Variants in TMTC1 observed in about 807,000 individuals in gnomAD.
TMTC1 encodes transmembrane O-mannosyltransferase targeting cadherins 1.
A neutral mutation model predicts 104.8 loss-of-function variants in TMTC1; 73 were observed. The ratio of observed to expected loss-of-function variants is 0.70; its 90% CI spans 0.58 to 0.85. TMTC1 has a LOEUF of 0.85. TMTC1 is among the 40% of genes least tolerant of loss of function. TMTC1 has a pLI of 0.00. For missense variants in TMTC1, 1,035 were observed against 1,096.1 expected, an observed-to-expected ratio of 0.94 and a Z score of 0.79; for synonymous variants, 434 against 428.7, an observed-to-expected ratio of 1.01 and a Z score of -0.15.
Position 29,693,254 on chromosome 12 carries a change from T to C in TMTC1, c.938+58412A>G, listed in dbSNP as rs913290255. Among the ~76,000 whole-genome samples the C allele has an allele frequency of 6.2e-5, 9 of 144,734 alleles. 2 individuals are homozygous for C. The highest frequency in any genetic ancestry group is 2.3e-4 in the African/African-American group (9 of 39,622). 95.0% of individuals were successfully genotyped at this position (144,734 alleles called of 152,430 possible). A position where few individuals can be genotyped will look rare whatever the true frequency, so the allele number is the denominator to read the frequency against. On this transcript the variant is annotated intron_variant, in intron 5 of 17. Transcript: ENST00000539277. The stretch of plus-strand genomic sequence containing the variant: ...GTTTTTTAAAATTGACACATAATAA[T>C]TATACATATTTATGAGGTACAGAGG...
intron 5 of TMTC1, among the ~76,000 whole-genome samples, chr12:29,746,230 T>G (rs1484091141): frequency 2.6e-5 from 4 of 152,180 alleles, no homozygotes; most frequent in Non-Finnish European, 4.4e-5. Context: ...ATTAGTTAAC[T>G]CCACACCTCT....
chr12:29,640,031 C>T (rs1346829765), intron 5 of TMTC1, among the ~76,000 whole-genome samples: 1 of 152,162 alleles, frequency 6.6e-6, no homozygotes, highest in Non-Finnish European at 1.5e-5. Flanking sequence ...AGTGCTATGC[C>T]CCCATGGGGC....
chr12:29,641,946 C>G (rs1938872676), intron 5 of TMTC1, among the ~76,000 whole-genome samples: 1 of 152,052 alleles, frequency 6.6e-6, no homozygotes, highest in Non-Finnish European at 1.5e-5. Context: ...TGTGAAATGC[C>G]TTGGAAGTTC....
intron 2 of TMTC1, among the ~76,000 whole-genome samples, chr12:29,762,778 G>A (rs746113080): frequency 2.0e-4 from 30 of 152,304 alleles, no homozygotes; most frequent in Non-Finnish European, 3.8e-4. Context: ...CTCAAGAGAC[G>A]AATGCAGTGA....
At chr12:29,714,575 C>T (rs566676900) in intron 5 of TMTC1, among the ~76,000 whole-genome samples, 3 of 152,210 alleles carry the variant, frequency 2.0e-5, no homozygotes, top group Admixed American at 6.5e-5. Flanking sequence ...AAATTATCCA[C>T]ACAGTAAAAA....
chr12:29,631,392 C>T (rs10771555), intron 6 of TMTC1, among the ~76,000 whole-genome samples: 83,415 of 151,994 alleles, frequency 0.55, 23,965 homozygotes, highest in East Asian at 0.79. Flanking sequence ...ATTTTTAGGA[C>T]TATGATCCAC....
intron 5 of TMTC1, among the ~76,000 whole-genome samples, chr12:29,726,539 A>G (rs537100569): frequency 2.6e-4 from 40 of 152,294 alleles, no homozygotes; most frequent in African/African-American, 9.6e-4. Context: ...AAGCATATAA[A>G]CAGAGGTACA....
intron 11 of TMTC1, among the ~76,000 whole-genome samples, chr12:29,522,051 C>T (rs1565642715): frequency 6.6e-6 from 1 of 152,176 alleles, no homozygotes; most frequent in Non-Finnish European, 1.5e-5. Context: ...TGATTTGGCA[C>T]AAAGCACATG....
At chr12:29,760,535 G>GA (rs1187447604) in intron 2 of TMTC1, among the ~76,000 whole-genome samples, 2 of 152,004 alleles carry the variant, frequency 1.3e-5, no homozygotes, top group African/African-American at 4.8e-5. Context: ...GAACACTATG[G>GA]AAAAAATGCA....
At chr12:29,655,284 T>C (rs1939706483) in intron 5 of TMTC1, among the ~76,000 whole-genome samples, 1 of 152,136 alleles carries the variant, frequency 6.6e-6, no homozygotes, top group African/African-American at 2.4e-5. Context: ...TATACACATA[T>C]ACAAGCTGAA....
intron 11 of TMTC1, among the ~76,000 whole-genome samples, chr12:29,527,906 T>G (rs747009121): frequency 1.2e-4 from 18 of 152,202 alleles, no homozygotes; most frequent in Admixed American, 2.0e-4. Flanking sequence ...AGACTGAGTG[T>G]GTCAAGGGCA....
In TMTC1 at chr12:29,783,843, A is replaced by G. The variant is rs1943897988; in HGVS notation, c.-92T>C. ...CCGGCGGCGCGCGGCGTCTGCCCGGAGGGGGGCTCGGGCATGGTGCTGCGG... is the reference window on the plus strand; with the variant it reads ...CCGGCGGCGCGCGGCGTCTGCCCGGGGGGGGGCTCGGGCATGGTGCTGCGG... On this transcript the variant is annotated 5_prime_UTR_variant, in exon 1 of 18. Transcript: ENST00000539277. The surrounding 1 kb of genome is among the most constrained non-coding windows in gnomAD (Gnocchi z 4.7). 1 of 1,047,996 alleles carries G rather than the reference A, an allele frequency of 9.5e-7. No homozygotes were observed. The highest frequency in any genetic ancestry group is 1.2e-6 in the Non-Finnish European group (1 of 869,506). 64.9% of individuals were successfully genotyped at this position (1,047,996 alleles called of 1,614,324 possible). A position where few individuals can be genotyped will look rare whatever the true frequency, so the allele number is the denominator to read the frequency against.
intron 10 of TMTC1, among the ~76,000 whole-genome samples, chr12:29,551,200 T>A (rs1233863038): frequency 6.6e-6 from 1 of 152,156 alleles, no homozygotes; most frequent in African/African-American, 2.4e-5. Context: ...GTTTTCTTTA[T>A]CCATGTGGCT....
chr12:29,580,873 G>T (rs766286550), intron 8 of TMTC1, among the ~76,000 whole-genome samples: 46 of 152,156 alleles, frequency 3.0e-4, no homozygotes, highest in Middle Eastern at 3.4e-3. Context: ...TGCTTCCCAT[G>T]CAGATTCCCA....
chr12:29,689,742 T>C (rs1169291781), intron 5 of TMTC1, among the ~76,000 whole-genome samples: 2 of 152,214 alleles, frequency 1.3e-5, no homozygotes, highest in African/African-American at 2.4e-5. Flanking sequence ...TCATAATAAA[T>C]GAATGAGTAA....
intron 5 of TMTC1, among the ~76,000 whole-genome samples, chr12:29,655,765 CAAAG>C (rs1022282004): frequency 2.6e-5 from 4 of 152,010 alleles, no homozygotes; most frequent in Non-Finnish European, 5.9e-5. Flanking sequence ...TCCTTTGAAA[CAAAG>C]AAGGCTTGAC....
chr12:29,573,852 G>GA (rs1945748117), intron 8 of TMTC1, among the ~76,000 whole-genome samples: 1 of 152,134 alleles, frequency 6.6e-6, no homozygotes, highest in African/African-American at 2.4e-5. Context: ...AAGAGCAGCA[G>GA]AGAATCAGTG....
At chr12:29,702,996 T>C (rs1013862890) in intron 5 of TMTC1, among the ~76,000 whole-genome samples, 7 of 151,432 alleles carry the variant, frequency 4.6e-5, no homozygotes, top group Non-Finnish European at 8.8e-5. Context: ...ATATAAAAAT[T>C]AGTTAGGCAC....
chr12:29,778,201 G>A (rs1943755834), intron 1 of TMTC1, among the ~76,000 whole-genome samples: 1 of 152,180 alleles, frequency 6.6e-6, no homozygotes, highest in Admixed American at 6.5e-5. Flanking sequence ...TAATCTAATA[G>A]GCTAAACACA....
Sources: allele counts gnomAD v4.1 joint callset (sites outside exome capture counted in the v4.1 genomes callset), GRCh38; gene constraint gnomAD v4.1.1; non-coding constraint Gnocchi (gnomAD v3.1); transcripts MANE v1.5; gene names NCBI Gene and HGNC (gene_info 2026-07-23, HGNC 2026-07-21).